The following HPSE2 variants were observed in gnomAD, a reference collection of about 807,000 sequenced individuals.
HPSE2 encodes heparanase 2 (inactive).
Under a neutral mutation model 60.5 loss-of-function variants are expected in HPSE2, and 38 were observed. The observed-to-expected ratio is 0.63, with a 90% CI of 0.48 to 0.82. The LOEUF is 0.82. HPSE2 is among the 40% of genes least tolerant of loss of function. The pLI, the probability that HPSE2 is intolerant of heterozygous loss-of-function variation, is 0.00. For synonymous variants in HPSE2, 295 were observed against 293.2 expected, an observed-to-expected ratio of 1.01 and a Z score of -0.06; for missense variants, 713 against 740.4, an observed-to-expected ratio of 0.96 and a Z score of 0.43.
intron 2 of HPSE2, among the ~76,000 whole-genome samples, chr10:99,185,667 G>C (rs972589324): frequency 6.6e-6 from 1 of 151,716 alleles, no homozygotes; most frequent in Non-Finnish European, 1.5e-5. Flanking sequence ...CCAGCTACTC[G>C]GGAGGCTGAG....
intron 6 of HPSE2, among the ~76,000 whole-genome samples, chr10:98,651,740 T>C (rs1225480374): frequency 6.6e-6 from 1 of 151,534 alleles, no homozygotes; most frequent in Non-Finnish European, 1.5e-5. Flanking sequence ...TCATGTTAAG[T>C]AGAAGGGTAG....
At chr10:99,166,153 G>C (rs1847074542) in intron 2 of HPSE2, among the ~76,000 whole-genome samples, 1 of 151,626 alleles carries the variant, frequency 6.6e-6, no homozygotes, top group African/African-American at 2.4e-5. Context: ...TTCTTTTATT[G>C]CTGAATAATA....
intron 9 of HPSE2, among the ~76,000 whole-genome samples, chr10:98,549,849 T>C (rs933669349): frequency 6.6e-6 from 1 of 152,216 alleles, no homozygotes; most frequent in Non-Finnish European, 1.5e-5. Context: ...CGTGGTCTTT[T>C]CTCAAGTTGT....
intron 2 of HPSE2, among the ~76,000 whole-genome samples, chr10:99,186,104 C>CCCCA (rs1848000412): frequency 1.2e-5 from 1 of 80,694 alleles, no homozygotes; most frequent in Non-Finnish European, 2.9e-5. Context: ...GGATAAATAA[C>CCCCA]CACACACACA....
intron 3 of HPSE2, among the ~76,000 whole-genome samples, chr10:98,890,098 G>T (rs944793302): frequency 6.6e-6 from 1 of 152,106 alleles, no homozygotes; most frequent in African/African-American, 2.4e-5. Context: ...GTCTGAAAGG[G>T]TGTTACGAGA....
intron 9 of HPSE2, among the ~76,000 whole-genome samples, chr10:98,579,015 A>T (rs540769526): frequency 6.6e-6 from 1 of 152,366 alleles, no homozygotes; most frequent in African/African-American, 2.4e-5. Flanking sequence ...CAGGAATTTA[A>T]AATAGTTTTA....
At chr10:98,857,003 C>A (rs1952334290) in intron 3 of HPSE2, among the ~76,000 whole-genome samples, 1 of 152,144 alleles carries the variant, frequency 6.6e-6, no homozygotes, top group South Asian at 2.1e-4. Context: ...ATCACTTCCT[C>A]ACATTTAACT....
chr10:98,553,530 T>G (rs1244938253), intron 9 of HPSE2, among the ~76,000 whole-genome samples: 1 of 152,192 alleles, frequency 6.6e-6, no homozygotes, highest in Non-Finnish European at 1.5e-5. Flanking sequence ...CAAGCCTACT[T>G]TTTGCACGGA....
At chr10:99,119,512 C>T (rs1413033027) in intron 3 of HPSE2, among the ~76,000 whole-genome samples, 2 of 152,172 alleles carry the variant, frequency 1.3e-5, no homozygotes, top group African/African-American at 4.8e-5. Context: ...AATGGTCATA[C>T]TGCCCAAAGC....
At chr10:98,901,795 T>C (rs1383717635) in intron 3 of HPSE2, among the ~76,000 whole-genome samples, 1 of 152,218 alleles carries the variant, frequency 6.6e-6, no homozygotes, top group African/African-American at 2.4e-5. Flanking sequence ...TTAACCTTTG[T>C]AGGCCTATGT....
intron 3 of HPSE2, among the ~76,000 whole-genome samples, chr10:98,975,016 TTGAA>T (rs1471534109): frequency 6.6e-6 from 1 of 152,222 alleles, no homozygotes; most frequent in Admixed American, 6.5e-5. Context: ...TTTATCATCT[TTGAA>T]TGAATAACAA....
chr10:99,127,120 C>T (rs970761526), intron 3 of HPSE2, among the ~76,000 whole-genome samples: 19 of 152,048 alleles, frequency 1.2e-4, no homozygotes, highest in African/African-American at 4.3e-4. Flanking sequence ...CACACTAGCT[C>T]CCCAGCAATG....
chr10:98,624,084 G>C (rs1946142858), intron 7 of HPSE2, among the ~76,000 whole-genome samples: 1 of 152,172 alleles, frequency 6.6e-6, no homozygotes, highest in Middle Eastern at 3.2e-3. Context: ...ATGCCAAGCA[G>C]AGTTCTAGTG....
At chr10:98,733,588 C>T (rs557886343) in intron 4 of HPSE2, among the ~76,000 whole-genome samples, 21 of 152,278 alleles carry the variant, frequency 1.4e-4, no homozygotes, top group Admixed American at 9.2e-4. Context: ...TAGCAAATCA[C>T]GTCACCTCTT....
chr10:98,536,879 C>T (rs1204639693), intron 9 of HPSE2, among the ~76,000 whole-genome samples: 3 of 151,810 alleles, frequency 2.0e-5, no homozygotes, highest in Non-Finnish European at 2.9e-5. Context: ...GAGAACAGAG[C>T]GCAAGAAGAA....
rs555799520 is a variant in HPSE2, at chr10:98,972,676, CTG to C, written c.610+171560_610+171561del. On this transcript the variant is annotated intron_variant, in intron 3 of 11. Coordinates refer to ENST00000370552, the MANE Select transcript of HPSE2 (RefSeq NM_021828.5). Reference sequence around the variant, plus strand: ...TAAGTTAATAAAAACAACTTTGCTACTGTCTTTCCTTATTCCTGTCTTCTCTT... The same window carrying C: ...TAAGTTAATAAAAACAACTTTGCTACTCTTTCCTTATTCCTGTCTTCTCTT... 8.5e-5 allele frequency among the ~76,000 whole-genome samples: 13 copies of C among 152,240 alleles called. No homozygotes were observed. The South Asian group carries it at 2.7e-3, about 32-fold the overall frequency.
intron 3 of HPSE2, among the ~76,000 whole-genome samples, chr10:98,861,294 T>C (rs894004387): frequency 1.3e-5 from 2 of 152,224 alleles, no homozygotes; most frequent in East Asian, 3.9e-4. Context: ...TTCATCTCTC[T>C]TTGGGGTTAA....
chr10:98,757,079 C>T (rs1414833721), intron 3 of HPSE2, among the ~76,000 whole-genome samples: 6 of 151,956 alleles, frequency 3.9e-5, no homozygotes, highest in African/African-American at 1.2e-4. Flanking sequence ...AAAAACAAAA[C>T]CCACATAATC....
At chr10:98,820,725 C>A in intron 3 of HPSE2, among the ~76,000 whole-genome samples, 1 of 152,150 alleles carries the variant, frequency 6.6e-6, no homozygotes, top group East Asian at 1.9e-4. Flanking sequence ...GACCCATTGG[C>A]TATTATAGCC....
Sources: gnomAD v4.1 joint callset for allele counts (sites outside exome capture counted in the v4.1 genomes callset) on GRCh38, gnomAD v4.1.1 for gene constraint, MANE v1.5 for transcripts, NCBI Gene and HGNC (gene_info 2026-07-23, HGNC 2026-07-21) for gene names.